The following ASH1L variants were observed in gnomAD, a reference collection of about 807,000 sequenced individuals.
The protein encoded by ASH1L is histone-lysine N-methyltransferase ASH1L.
In ASH1L, 23 loss-of-function variants were observed where a neutral mutation model predicts 269.0. The ratio of observed to expected loss-of-function variants is 0.09; its 90% CI spans 0.06 to 0.12. ASH1L has a LOEUF of 0.12. Among genes scored for constraint, ASH1L ranks in the 10% least tolerant of loss-of-function variants. The pLI is 1.00. For synonymous variants in ASH1L, 1,187 were observed against 1,253.5 expected, an observed-to-expected ratio of 0.95 and a Z score of 1.12; for missense variants, 2,912 against 3,567.8, an observed-to-expected ratio of 0.82 and a Z score of 4.68.
In ASH1L at chr1:155,338,240, G is replaced by T. The variant is rs1260609564; in HGVS notation, c.8652C>A (p.Ala2884=). ...PSLEEPEREG[A]TANVSEGEKK... ...TTTCACCCTCACTGACGTTAGCAGT[G>T]GCCCCTTCCCGTTCTGGCTCCTCCA... Residue 2884 remains alanine (A), a synonymous_variant, in exon 27 of 28, where the codon GCC becomes GCA. Coordinates refer to ENST00000392403, the MANE Select transcript of ASH1L (RefSeq NM_018489.3). 2 of 1,613,734 alleles carry T rather than the reference G, an allele frequency of 1.2e-6. No homozygotes were observed. The highest frequency in any genetic ancestry group is 3.3e-5 in the Admixed American group (2 of 59,960).
chr1:155,358,976 G>A (rs530718263), intron 13 of ASH1L, among the ~76,000 whole-genome samples: 15 of 151,980 alleles, frequency 9.9e-5, no homozygotes, highest in South Asian at 8.3e-4. Flanking sequence ...AAAAATTAGC[G>A]ACGCACAGTG....
At position 155,337,833 on chromosome 1, in the gene ASH1L, G is replaced by A. The variant is rs139163315; in HGVS notation, c.8804-82C>T. 58 of 1,309,642 alleles carry A rather than the reference G, an allele frequency of 4.4e-5. No homozygotes were observed. In the East Asian group the frequency reaches 1.1e-3, roughly 24 times the overall value. 81.1% of individuals were successfully genotyped at this position (1,309,642 alleles called of 1,614,324 possible). A position where few individuals can be genotyped will look rare whatever the true frequency, so the allele number is the denominator to read the frequency against. On this transcript the variant is annotated intron_variant, in intron 27 of 27. Coordinates refer to ENST00000392403, the MANE Select transcript of ASH1L (RefSeq NM_018489.3). ...GATTTGAGCTCTAAGGAGAGCACAC[G>A]AACTCAATGATTCCTTTTCTGACCT... is the stretch of plus-strand genomic sequence containing the variant.
chr1:155,397,185 A>G (rs1658430570), intron 6 of ASH1L, among the ~76,000 whole-genome samples: 1 of 151,596 alleles, frequency 6.6e-6, no homozygotes, highest in East Asian at 1.9e-4. Context: ...ATCATGGATT[A>G]TATCCTGAAT....
At chr1:155,501,264 G>A (rs1399279095) in intron 2 of ASH1L, among the ~76,000 whole-genome samples, 1 of 152,118 alleles carries the variant, frequency 6.6e-6, no homozygotes, top group Non-Finnish European at 1.5e-5. Context: ...TTAAACTCCT[G>A]GCCTCAAGCA....
Position 155,378,533 on chromosome 1 carries a change from C to G in ASH1L, c.6193G>C (p.Asp2065His). The G allele has an allele frequency of 1.9e-6, 3 of 1,612,820 alleles. No homozygotes were observed. Among genetic ancestry groups the G allele is most frequent in the Non-Finnish European group, 1.7e-6 (2 of 1,179,622 alleles). Residue 2065 changes from aspartate to histidine, a missense_variant, in exon 9 of 28, where the codon GAT becomes CAT. Around this residue, in one of 13 missense-constraint regions of ASH1L, gnomAD observed 193 missense variants for 311.6 expected, o/e 0.62. Coordinates refer to ENST00000392403, the MANE Select transcript of ASH1L (RefSeq NM_018489.3). ...WKHNQLYKKPDVPLYKKIRSN... is the reference protein window; with the variant it reads ...WKHNQLYKKPHVPLYKKIRSN... ...CGAATTTTCTTATATAGTGGGACAT[C>G]TGGCTTTTTGTATAGCTAGAAGAAA...
intron 2 of ASH1L, among the ~76,000 whole-genome samples, chr1:155,512,277 C>T (rs998084584): frequency 4.0e-5 from 6 of 151,230 alleles, no homozygotes; most frequent in Non-Finnish European, 7.4e-5. Flanking sequence ...CAGCACAGGG[C>T]GTGGTGGCAT....
intron 5 of ASH1L, among the ~76,000 whole-genome samples, chr1:155,429,929 C>T (rs1391564483): frequency 6.6e-6 from 1 of 152,062 alleles, no homozygotes; most frequent in Non-Finnish European, 1.5e-5. Context: ...CCTCAGCCTC[C>T]CTAGTAGCTG....
At chr1:155,397,912 A>G (rs561822618) in intron 6 of ASH1L, among the ~76,000 whole-genome samples, 4 of 152,300 alleles carry the variant, frequency 2.6e-5, no homozygotes, top group Non-Finnish European at 5.9e-5. Flanking sequence ...GTGCTTTAGG[A>G]AAATATTAAA....
At chr1:155,543,620 C>T (rs1057212158) in intron 1 of ASH1L, among the ~76,000 whole-genome samples, 2 of 151,326 alleles carry the variant, frequency 1.3e-5, no homozygotes, top group African/African-American at 2.4e-5. Flanking sequence ...AACAAAGTTC[C>T]ACCCATTCTT....
At chr1:155,514,905 A>G (rs1372654715) in intron 2 of ASH1L, among the ~76,000 whole-genome samples, 1 of 152,128 alleles carries the variant, frequency 6.6e-6, no homozygotes, top group Non-Finnish European at 1.5e-5. Flanking sequence ...ACCAACAAGG[A>G]AAAATTTCTC....
At chr1:155,434,873 T>C (rs1418076547) in intron 5 of ASH1L, among the ~76,000 whole-genome samples, 1 of 150,140 alleles carries the variant, frequency 6.7e-6, no homozygotes, top group Non-Finnish European at 1.5e-5. Context: ...AAAAAGAATT[T>C]AGTGCTGGGT....
At chr1:155,509,139 A>T (rs760608421) in intron 2 of ASH1L, among the ~76,000 whole-genome samples, 10 of 152,250 alleles carry the variant, frequency 6.6e-5, no homozygotes, top group Non-Finnish European at 1.3e-4. Flanking sequence ...CTAAAATACA[A>T]GTTAGGAGGA....
intron 2 of ASH1L, among the ~76,000 whole-genome samples, chr1:155,514,685 G>A (rs1405689317): frequency 6.6e-6 from 1 of 152,146 alleles, no homozygotes; most frequent in African/African-American, 2.4e-5. Context: ...ATTTGGCCCA[G>A]GAACTGCTAA....
At chr1:155,370,378 C>G in intron 12 of ASH1L, 126 bp downstream of exon 12, 1 of 1,192,132 alleles carries the variant, frequency 8.4e-7, no homozygotes, top group Non-Finnish European at 1.2e-6. Flanking sequence ...CCCGTGGGAT[C>G]TGGGGTAATG....
chr1:155,506,554 A>G (rs28452675), intron 2 of ASH1L, among the ~76,000 whole-genome samples: 6,724 of 151,798 alleles, frequency 0.044, 511 homozygotes, highest in African/African-American at 0.16. Flanking sequence ...AAAATTAGCC[A>G]GGCATGGTGG....
At chr1:155,494,182 A>G (rs758934636) in intron 2 of ASH1L, among the ~76,000 whole-genome samples, 1 of 152,212 alleles carries the variant, frequency 6.6e-6, no homozygotes, top group Non-Finnish European at 1.5e-5. Context: ...AAAGGAGGTG[A>G]AAGACAAAGA....
At chr1:155,436,994 T>C (rs566118946) in intron 5 of ASH1L, among the ~76,000 whole-genome samples, 18 of 152,300 alleles carry the variant, frequency 1.2e-4, no homozygotes, top group African/African-American at 4.3e-4. Flanking sequence ...TGACCATGCA[T>C]GCAAGGTTTT....
chr1:155,393,656 G>A (rs904068100), intron 7 of ASH1L, among the ~76,000 whole-genome samples: 2 of 151,404 alleles, frequency 1.3e-5, no homozygotes, highest in African/African-American at 4.9e-5. Context: ...CTGGGTTCAC[G>A]CCATTCTCCT....
chr1:155,384,075 G>A (rs1327060521), intron 7 of ASH1L, among the ~76,000 whole-genome samples: 1 of 152,122 alleles, frequency 6.6e-6, no homozygotes, highest in Non-Finnish European at 1.5e-5. Context: ...TTGCTTCAAT[G>A]ATTAAACGTA....
Sources: allele counts gnomAD v4.1 joint callset (sites outside exome capture counted in the v4.1 genomes callset), GRCh38; gene constraint gnomAD v4.1.1; regional missense constraint gnomAD v4.1.1; transcripts MANE v1.5; gene names NCBI Gene and HGNC (gene_info 2026-07-23, HGNC 2026-07-21).